EPC1: variants seen among roughly 807,000 people sequenced by gnomAD.
EPC1 encodes enhancer of polycomb homolog 1.
EPC1 carries 12 observed loss-of-function variants against 98.4 expected under a neutral mutation model. The observed-to-expected ratio is 0.12, with a 90% CI of 0.08 to 0.20. The LOEUF is 0.20. Ranked by LOEUF, EPC1 falls within the 10% of genes least tolerant of loss-of-function variation. The pLI, the probability that EPC1 is intolerant of heterozygous loss-of-function variation, is 1.00. For missense variants in EPC1, 729 were observed against 990.5 expected, an observed-to-expected ratio of 0.74 and a Z score of 3.54; for synonymous variants, 357 against 363.9, an observed-to-expected ratio of 0.98 and a Z score of 0.21.
intron 1 of EPC1, among the ~76,000 whole-genome samples, chr10:32,376,107 A>G (rs1254826246): frequency 6.6e-6 from 1 of 152,034 alleles, no homozygotes; most frequent in Admixed American, 6.5e-5. Flanking sequence ...TAAGAGTCAT[A>G]TATAAAATGT....
intron 1 of EPC1, among the ~76,000 whole-genome samples, chr10:32,314,653 A>C (rs1324445817): frequency 6.6e-6 from 1 of 152,210 alleles, no homozygotes; most frequent in East Asian, 1.9e-4. Flanking sequence ...GGTCTCTGTT[A>C]AATGCATGGT....
chr10:32,361,367 C>T (rs150263395), intron 1 of EPC1, among the ~76,000 whole-genome samples: 1 of 152,092 alleles, frequency 6.6e-6, no homozygotes, highest in African/African-American at 2.4e-5. Context: ...AGTGGGAGAC[C>T]AGAATATGCC....
upstream of EPC1, among the ~76,000 whole-genome samples, chr10:32,351,216 G>A (rs1221368007): frequency 6.6e-6 from 1 of 152,088 alleles, no homozygotes; most frequent in African/African-American, 2.4e-5. Flanking sequence ...AACTGCTCTT[G>A]TTTTGCCCAT....
intron 1 of EPC1, among the ~76,000 whole-genome samples, chr10:32,357,152 G>A (rs913618941): frequency 3.9e-5 from 6 of 152,074 alleles, no homozygotes; most frequent in African/African-American, 1.2e-4. Flanking sequence ...CATCCTCAGC[G>A]CCTCCCATGT....
In EPC1 at chr10:32,293,016, C is replaced by T. The variant is rs775577733; in HGVS notation, c.638G>A (p.Arg213Lys). The T allele has an allele frequency of 6.3e-6, 10 of 1,593,604 alleles. No homozygotes were observed. The highest frequency in any genetic ancestry group is 8.5e-6 in the Non-Finnish European group (10 of 1,170,084). Reference sequence around the variant, plus strand: ...TCGAGTCTGCATTTTTTCAGTACGCCTTCTAAAAGCCACATAAGGATCATT... The same window carrying T: ...TCGAGTCTGCATTTTTTCAGTACGCTTTCTAAAAGCCACATAAGGATCATT... ...STNDPYVAFRRRTEKMQTRKN... is the reference protein window; with the variant it reads ...STNDPYVAFRKRTEKMQTRKN... The change falls in exon 4 of 14, where the codon AGG (arginine) becomes AAG (lysine). Residue 213 changes from arginine (R) to lysine (K), a missense_variant. Around this residue, in one of 6 missense-constraint regions of EPC1, gnomAD observed 39 missense variants for 94.9 expected, o/e 0.41. Coordinates refer to ENST00000319778, the MANE Select transcript of EPC1 (RefSeq NM_001272004.3).
chr10:32,368,362 G>T (rs1384929771), intron 1 of EPC1, among the ~76,000 whole-genome samples: 2 of 151,988 alleles, frequency 1.3e-5, no homozygotes, highest in Non-Finnish European at 2.9e-5. Context: ...CTCTCTATCC[G>T]CACTGGCTTC....
chr10:32,342,607 G>C (rs974830070), intron 1 of EPC1, among the ~76,000 whole-genome samples: 2 of 152,266 alleles, frequency 1.3e-5, no homozygotes, highest in Middle Eastern at 3.4e-3. Flanking sequence ...GATCCTACTT[G>C]TAACAGTTTC....
rs1342832762 is a variant in EPC1, at chr10:32,352,286, A to T, written c.3+26205T>A. ...ATGGTCTCGATCTCCTGACCTCGTG[A>T]TCCACCCGCCTCAGCCTCCCAAAGT... On this transcript the variant is annotated intron_variant, in intron 1 of 13. Coordinates refer to the EPC1 transcript ENST00000375110. Among the ~76,000 whole-genome samples the T allele has an allele frequency of 4.6e-5, 7 of 151,300 alleles. No individual in the cohort carries two copies. In the East Asian group the frequency reaches 1.4e-3, roughly 29 times the overall value.
At chr10:32,312,732 A>G (rs1836317152) in intron 1 of EPC1, among the ~76,000 whole-genome samples, 1 of 152,224 alleles carries the variant, frequency 6.6e-6, no homozygotes, top group Admixed American at 6.5e-5. Flanking sequence ...GTACACATAC[A>G]TGTGCACGCA....
At chr10:32,367,763 ACTGC>A (rs760377682) in intron 1 of EPC1, among the ~76,000 whole-genome samples, 7 of 152,202 alleles carry the variant, frequency 4.6e-5, no homozygotes, top group Non-Finnish European at 1.0e-4. Flanking sequence ...TAAGCAGACA[ACTGC>A]CTGTTTCTAT....
chr10:32,338,799 T>C (rs1195804663), intron 1 of EPC1, among the ~76,000 whole-genome samples: 3 of 151,732 alleles, frequency 2.0e-5, no homozygotes, highest in Non-Finnish European at 4.4e-5. Context: ...CATAAGAACA[T>C]ATGGTGGCAT....
chr10:32,355,151 AC>A (rs1839234974), intron 1 of EPC1, among the ~76,000 whole-genome samples: 1 of 152,182 alleles, frequency 6.6e-6, no homozygotes, highest in Admixed American at 6.5e-5. Context: ...TGCCAAAAAG[AC>A]TGGGGACCAC....
upstream of EPC1, among the ~76,000 whole-genome samples, chr10:32,351,786 A>G (rs1192170531): frequency 2.0e-5 from 3 of 149,466 alleles, no homozygotes; most frequent in African/African-American, 7.3e-5. Context: ...GCTGGAGTGC[A>G]GTGGCGTGAT....
chr10:32,321,589 G>A (rs1243776369), intron 1 of EPC1, among the ~76,000 whole-genome samples: 1 of 151,782 alleles, frequency 6.6e-6, no homozygotes, highest in Admixed American at 6.6e-5. Flanking sequence ...ACTAAAGAAT[G>A]CTCTACTATT....
chr10:32,338,091 T>C (rs1838088923), intron 1 of EPC1, among the ~76,000 whole-genome samples: 1 of 152,246 alleles, frequency 6.6e-6, no homozygotes, highest in African/African-American at 2.4e-5. Context: ...ACTGCTCTAA[T>C]GTGCATATTC....
intron 1 of EPC1, among the ~76,000 whole-genome samples, chr10:32,338,241 G>T (rs11008889): frequency 0.18 from 27,970 of 151,970 alleles, 3,254 homozygotes; most frequent in African/African-American, 0.33. Flanking sequence ...GTTCATCCTC[G>T]GATTCTCTCT....
chr10:32,296,791 C>T (rs1835189721), intron 2 of EPC1, among the ~76,000 whole-genome samples: 1 of 151,970 alleles, frequency 6.6e-6, no homozygotes, highest in African/African-American at 2.4e-5. Context: ...CCTGTAATCC[C>T]AGCTACTCGG....
chr10:32,333,080 G>A (rs1592607964), intron 1 of EPC1, among the ~76,000 whole-genome samples: 4 of 152,186 alleles, frequency 2.6e-5, no homozygotes, highest in Admixed American at 1.3e-4. Context: ...GGTGGCTCAC[G>A]CCTGTAATCC....
chr10:32,303,911 G>A (rs576938008), intron 2 of EPC1, among the ~76,000 whole-genome samples: 3 of 152,346 alleles, frequency 2.0e-5, no homozygotes, highest in African/African-American at 4.8e-5. Context: ...GAACTGTGCA[G>A]GAGACTTCTC....
Sources: gnomAD v4.1 joint callset for allele counts (sites outside exome capture counted in the v4.1 genomes callset) on GRCh38, gnomAD v4.1.1 for gene constraint, gnomAD v4.1.1 regional missense constraint, MANE v1.5 for transcripts, NCBI Gene and HGNC (gene_info 2026-07-23, HGNC 2026-07-21) for gene names.